ULK4: variants seen among roughly 807,000 people sequenced by gnomAD.
ULK4 encodes inactive serine/threonine-protein kinase ULK4.
Under a neutral mutation model 160.6 loss-of-function variants are expected in ULK4, and 133 were observed. The ratio of observed to expected loss-of-function variants is 0.83; its 90% CI spans 0.72 to 0.96. The LOEUF (loss-of-function observed/expected upper bound fraction) is 0.96. ULK4 is among the 40% of genes least tolerant of loss of function. The pLI is 0.00. For synonymous variants in ULK4, 534 were observed against 539.8 expected, an observed-to-expected ratio of 0.99 and a Z score of 0.15; for missense variants, 1,580 against 1,499.5, an observed-to-expected ratio of 1.05 and a Z score of -0.89.
intron 30 of ULK4, among the ~76,000 whole-genome samples, chr3:41,662,311 T>C (rs2035204437): frequency 1.3e-5 from 2 of 152,296 alleles, no homozygotes; most frequent in South Asian, 4.1e-4. Flanking sequence ...TTTTGCAACA[T>C]GGCTCAGAAT....
At chr3:41,261,590 T>C (rs1380669280) in intron 35 of ULK4, among the ~76,000 whole-genome samples, 1 of 152,232 alleles carries the variant, frequency 6.6e-6, no homozygotes, top group Non-Finnish European at 1.5e-5. Flanking sequence ...TTGTGTTATC[T>C]TGTATAAATG....
At chr3:41,825,327 G>C (rs191712710) in intron 18 of ULK4, among the ~76,000 whole-genome samples, 223 of 152,328 alleles carry the variant, frequency 1.5e-3, no homozygotes, top group Middle Eastern at 0.01. Context: ...CCTTTGACGA[G>C]TTGAGAGAAG....
rs1330775472 is a variant in ULK4 at position 41,705,061 on chromosome 3, G to A, written c.2777C>T (p.Ser926Phe). ...TCAAAAGCTGCCAGAACTGACCGTG[G>A]AGCGATAGTCTTTCAATAAAATAGG... is the stretch of plus-strand genomic sequence containing the variant. Reference protein sequence around the residue: ...QYPILLKDYRSTVVDYILPPL... With the variant: ...QYPILLKDYRFTVVDYILPPL... Residue 926 changes from serine to phenylalanine, a missense_variant, in exon 27 of 37, where the codon TCC becomes TTC. Physicochemically the swap from Ser to Phe is radical, Grantham distance 155. Coordinates refer to ENST00000301831, the MANE Select transcript of ULK4 (RefSeq NM_017886.4). The A allele has an allele frequency of 5.0e-6, 8 of 1,609,592 alleles. No individual in the cohort carries two copies. Among genetic ancestry groups the A allele is most frequent in the Non-Finnish European group, 5.9e-6 (7 of 1,178,604 alleles).
intron 14 of ULK4, among the ~76,000 whole-genome samples, 166 bp downstream of exon 14, chr3:41,898,266 G>C (rs938135117): frequency 1.3e-5 from 2 of 152,158 alleles, no homozygotes; most frequent in Non-Finnish European, 2.9e-5. Flanking sequence ...TGGCACAAAT[G>C]AATTACAGAT....
At chr3:41,954,562 C>T in intron 2 of ULK4, 60 bp downstream of exon 2, 4 of 1,536,904 alleles carry the variant, frequency 2.6e-6, no homozygotes, top group Non-Finnish European at 3.5e-6. Context: ...GAAAATGCTA[C>T]CCCCTTCTAC....
At chr3:41,285,785 G>C (rs2079446374) in intron 35 of ULK4, among the ~76,000 whole-genome samples, 1 of 152,188 alleles carries the variant, frequency 6.6e-6, no homozygotes, top group South Asian at 2.1e-4. Context: ...TTTCTACCTA[G>C]CTGATGAGCA....
At chr3:41,300,089 C>G (rs548423360) in intron 35 of ULK4, among the ~76,000 whole-genome samples, 3 of 152,112 alleles carry the variant, frequency 2.0e-5, no homozygotes, top group Non-Finnish European at 4.4e-5. Flanking sequence ...TTTCATCACA[C>G]GCTTGCCAGC....
At chr3:41,917,817 TAAAAAAC>T (rs1357753955) in intron 7 of ULK4, among the ~76,000 whole-genome samples, 5 of 151,696 alleles carry the variant, frequency 3.3e-5, no homozygotes, top group Non-Finnish European at 5.9e-5. Context: ...CCGTCTCTAA[TAAAAAAC>T]AAAAAACAAA....
chr3:41,369,735 A>C (rs1392441662), intron 35 of ULK4, among the ~76,000 whole-genome samples: 1 of 151,244 alleles, frequency 6.6e-6, no homozygotes, highest in East Asian at 1.9e-4. Flanking sequence ...CAGAGCTTGC[A>C]GTGAGCTGAG....
intron 21 of ULK4, among the ~76,000 whole-genome samples, chr3:41,757,361 A>C (rs1169913726): frequency 6.6e-6 from 1 of 152,124 alleles, no homozygotes; most frequent in Non-Finnish European, 1.5e-5. Flanking sequence ...GGCCAGGCAC[A>C]GTGGCTCACG....
intron 17 of ULK4, among the ~76,000 whole-genome samples, chr3:41,850,718 A>G (rs939627849): frequency 1.3e-5 from 2 of 152,192 alleles, no homozygotes; most frequent in Admixed American, 6.5e-5. Context: ...GTCCTTTGTC[A>G]GATGAGTAGG....
At chr3:41,765,223 C>T (rs1233364224) in intron 21 of ULK4, among the ~76,000 whole-genome samples, 1 of 152,130 alleles carries the variant, frequency 6.6e-6, no homozygotes, top group Non-Finnish European at 1.5e-5. Context: ...GAATACTATA[C>T]AGCCATAAAA....
intron 31 of ULK4, among the ~76,000 whole-genome samples, chr3:41,578,019 T>C (rs1408151906): frequency 1.3e-5 from 2 of 152,220 alleles, no homozygotes; most frequent in African/African-American, 2.4e-5. Context: ...AAGTGATGAA[T>C]AGGCTATTCT....
At chr3:41,379,557 G>A (rs530085361) in intron 35 of ULK4, among the ~76,000 whole-genome samples, 9 of 152,242 alleles carry the variant, frequency 5.9e-5, no homozygotes, top group South Asian at 2.1e-4. Context: ...CTGGGATACC[G>A]GTCTAGGAAG....
rs1245404847 is a variant in ULK4 at position 41,246,923 on chromosome 3, T to C, written c.*6A>G. ...CAGGGCGGGCTTGTGCTAAGCACCT[T>C]CTTGCCTAGTGCCCAACGGCTTGGA... On this transcript the variant is annotated 3_prime_UTR_variant, in exon 37 of 37. Coordinates refer to ENST00000301831, the MANE Select transcript of ULK4 (RefSeq NM_017886.4). 3 of 1,613,468 alleles carry C rather than the reference T, an allele frequency of 1.9e-6. No homozygotes were observed. Among genetic ancestry groups the C allele is most frequent in the Non-Finnish European group, 2.5e-6 (3 of 1,179,862 alleles).
chr3:41,549,591 G>A (rs1296566715), intron 32 of ULK4, among the ~76,000 whole-genome samples: 3 of 152,210 alleles, frequency 2.0e-5, no homozygotes, highest in African/African-American at 7.2e-5. Context: ...TCTAGAAGTA[G>A]AAGAGATAGG....
chr3:41,329,915 T>C (rs950050066), intron 35 of ULK4, among the ~76,000 whole-genome samples: 3 of 152,106 alleles, frequency 2.0e-5, no homozygotes, highest in South Asian at 4.1e-4. Flanking sequence ...CAAAAACATA[T>C]GAGATTACTG....
At chr3:41,945,317 C>G (rs1369964501) in intron 2 of ULK4, among the ~76,000 whole-genome samples, 1 of 152,168 alleles carries the variant, frequency 6.6e-6, no homozygotes, top group Non-Finnish European at 1.5e-5. Context: ...AAATGTCCTT[C>G]TAGTGCATCT....
Position 41,513,185 on chromosome 3 carries a change from CA to C in ULK4, c.3227-49933del, listed in dbSNP as rs1250805434. On this transcript the variant is annotated intron_variant, in intron 32 of 36. Coordinates refer to ENST00000301831, the MANE Select transcript of ULK4 (RefSeq NM_017886.4). ...AAGACTTAAATCTAAGACCTGAAAC[CA>C]TAAAGATTCTAGAAGATAACACCAG... is the stretch of plus-strand genomic sequence containing the variant. Among the ~76,000 whole-genome samples, 4 of 152,196 alleles carry C rather than the reference CA, an allele frequency of 2.6e-5. No individual in the cohort carries two copies. The East Asian group carries it at 7.7e-4, about 29-fold the overall frequency.
Sources: gnomAD v4.1 joint callset for allele counts (sites outside exome capture counted in the v4.1 genomes callset) on GRCh38, gnomAD v4.1.1 for gene constraint, MANE v1.5 for transcripts, NCBI Gene and HGNC (gene_info 2026-07-23, HGNC 2026-07-21) for gene names.